IP6K1: variants seen among roughly 807,000 people sequenced by gnomAD.
IP6K1 encodes the protein ATP:1D-myo-inositol-hexakisphosphate phosphotransferase.
IP6K1 carries 13 observed loss-of-function variants against 38.3 expected under a neutral mutation model. The observed-to-expected ratio is 0.34, with a 90% confidence interval of 0.22 to 0.54. IP6K1 has a LOEUF of 0.54. Ranked by LOEUF, IP6K1 falls within the 20% of genes least tolerant of loss-of-function variation. The probability of loss-of-function intolerance (pLI) is 0.92; values close to 1 mark genes in which losing one functional copy is unlikely to be tolerated. For synonymous variants in IP6K1, 212 were observed against 229.9 expected (o/e 0.92, Z 0.70); for missense variants, 397 against 599.8 (o/e 0.66, Z 3.53).
At chr3:49,775,901 T>C (rs1450067147) in intron 1 of IP6K1, among the ~76,000 whole-genome samples, 3 of 151,864 alleles carry the variant, frequency 2.0e-5, no homozygotes, top group South Asian at 2.1e-4. Flanking sequence ...CATATTGATA[T>C]GTTCTCCCTC....
intron 4 of IP6K1, among the ~76,000 whole-genome samples, chr3:49,730,763 C>A (rs1305582727): frequency 6.6e-6 from 1 of 152,024 alleles, no homozygotes; most frequent in Admixed American, 6.6e-5. Flanking sequence ...GTTGCCTAGG[C>A]TGGAGTGCAA....
rs191159866 is a variant in IP6K1 at position 49,769,477 on chromosome 3, G to C, written c.-129+16877C>G. On this transcript the variant is annotated intron_variant, in intron 1 of 5. Coordinates refer to ENST00000321599, the MANE Select transcript of IP6K1 (RefSeq NM_153273.4). ...TATCTACAGAGTCAATTGTTTTTGG[G>C]ATTTTTGCCAGCGACAAATCAGGAT... 5.9e-5 allele frequency among the ~76,000 whole-genome samples: 9 copies of C among 152,246 alleles called. No homozygotes were observed. In the East Asian group the frequency reaches 1.5e-3, roughly 26 times the overall value.
In IP6K1 at chr3:49,761,796, A is replaced by C. The variant is rs377513908; in HGVS notation, c.-128-13628T>G. On this transcript the variant is annotated intron_variant, in intron 1 of 5. Transcript: ENST00000321599. ...GAGAAAGACTCTGTCTCTACAGAAA[A>C]AATGAAAATTAGGCAGGCATGGTGG... 1.1e-4 allele frequency among the ~76,000 whole-genome samples: 17 copies of C among 152,056 alleles called. No individual in the cohort carries two copies. In the East Asian group the frequency reaches 2.3e-3, roughly 21 times the overall value.
rs1307166111 is a variant in IP6K1, at chr3:49,748,094, A to G, written c.-54T>C. On this transcript the variant is annotated 5_prime_UTR_variant, in exon 2 of 6. Coordinates refer to ENST00000321599, the MANE Select transcript of IP6K1 (RefSeq NM_153273.4). ...GCAGAGGATGCAGCACATGGGCCACAAAAGGAGAGCTACATAGAAGGTCCT... is the reference window on the plus strand; with the variant it reads ...GCAGAGGATGCAGCACATGGGCCACGAAAGGAGAGCTACATAGAAGGTCCT... 1.9e-6 allele frequency: 3 copies of G among 1,592,616 alleles called. No homozygotes were observed. The highest frequency in any genetic ancestry group is 2.2e-5 in the East Asian group (1 of 44,626).
chr3:49,770,042 C>G (rs752150987), intron 1 of IP6K1, among the ~76,000 whole-genome samples: 8 of 151,848 alleles, frequency 5.3e-5, no homozygotes, highest in Non-Finnish European at 7.4e-5. Context: ...CTCTACAAAA[C>G]ATAGAAAAAA....
intron 1 of IP6K1, among the ~76,000 whole-genome samples, chr3:49,768,696 G>A (rs772284386): frequency 1.3e-5 from 2 of 152,116 alleles, no homozygotes; most frequent in Non-Finnish European, 2.9e-5. Context: ...CTTAAACCTG[G>A]GAGGCGGAGG....
chr3:49,737,623 T>C (rs531628242), intron 3 of IP6K1, among the ~76,000 whole-genome samples: 3 of 152,168 alleles, frequency 2.0e-5, no homozygotes, highest in East Asian at 1.9e-4. Context: ...GAGGGAGAGG[T>C]TGCAGTGACG....
At chr3:49,733,240 T>A (rs1053284623) in intron 3 of IP6K1, among the ~76,000 whole-genome samples, 2 of 144,830 alleles carry the variant, frequency 1.4e-5, no homozygotes, top group African/African-American at 5.0e-5. Flanking sequence ...TTCACATCCA[T>A]TAGGATGGCT....
At chr3:49,731,700 A>G (rs891077777) in intron 4 of IP6K1, among the ~76,000 whole-genome samples, 7 of 152,014 alleles carry the variant, frequency 4.6e-5, no homozygotes, top group Non-Finnish European at 8.8e-5. Context: ...TTATTTGTCT[A>G]CTACTTCAAA....
chr3:49,757,322 G>C (rs1404965628), intron 1 of IP6K1, among the ~76,000 whole-genome samples: 1 of 152,224 alleles, frequency 6.6e-6, no homozygotes, highest in Non-Finnish European at 1.5e-5. Flanking sequence ...GTGGGGACAA[G>C]TTGACAGGAC....
chr3:49,732,859 C>T lies in IP6K1; in HGVS notation c.548G>A (p.Trp183Ter). 6.2e-7 allele frequency: 1 copy of T among 1,614,140 alleles called. No homozygotes were observed. Among genetic ancestry groups the T allele is most frequent in the Non-Finnish European group, 8.5e-7 (1 of 1,180,006 alleles). Residue 183 changes from tryptophan to a stop codon, truncating the protein, a stop_gained, in exon 4 of 6, where the codon TGG (tryptophan) becomes TAG (stop). Coordinates refer to ENST00000321599, the MANE Select transcript of IP6K1 (RefSeq NM_153273.4). LOFTEE classifies it high-confidence loss of function. The stretch of plus-strand genomic sequence containing the variant: ...CTGCTGCTTGTGACAACGCAGGCTC[C>T]AGGGGTTGTGGCTGATCTTCTCAGA... ...LSSEKISHNPWSLRCHKQQLS... is the reference protein window; with the variant it reads ...LSSEKISHNP
chr3:49,739,355 C>CTTTT (rs778966835), intron 2 of IP6K1, among the ~76,000 whole-genome samples: 2 of 135,608 alleles, frequency 1.5e-5, no homozygotes, highest in African/African-American at 2.7e-5. Flanking sequence ...GCTTAAAGTT[C>CTTTT]TTTTTTTTTT....
At chr3:49,785,766 A>G (rs2108269304) in intron 1 of IP6K1, 1 of 152,360 alleles carries the variant, frequency 6.6e-6, no homozygotes, top group South Asian at 2.1e-4. Flanking sequence ...CTCAGCCATT[A>G]TGGACATTTA....
intron 1 of IP6K1, among the ~76,000 whole-genome samples, chr3:49,757,138 T>C (rs768282353): frequency 3.9e-5 from 6 of 152,218 alleles, no homozygotes; most frequent in African/African-American, 7.2e-5. Context: ...CCTGGACTTA[T>C]TTCCTATCAC....
At chr3:49,734,100 T>C (rs2080585425) in intron 3 of IP6K1, among the ~76,000 whole-genome samples, 1 of 152,140 alleles carries the variant, frequency 6.6e-6, no homozygotes, top group East Asian at 1.9e-4. Flanking sequence ...ATCATGCCAC[T>C]ACACTCCAGC....
intron 1 of IP6K1, among the ~76,000 whole-genome samples, chr3:49,768,270 C>G (rs2080928614): frequency 6.6e-6 from 1 of 152,098 alleles, no homozygotes; most frequent in South Asian, 2.1e-4. Context: ...TCACAATAAC[C>G]AAATGGTGTC....
At chr3:49,766,048 C>A (rs573472422) in intron 1 of IP6K1, among the ~76,000 whole-genome samples, 1 of 151,680 alleles carries the variant, frequency 6.6e-6, no homozygotes, top group African/African-American at 2.4e-5. Flanking sequence ...TGGTGGCGGG[C>A]GCCTGTAGTC....
In IP6K1 at chr3:49,725,924, A is replaced by C. The variant is rs2080497039; in HGVS notation, c.*1198T>G. The C allele has an allele frequency of 6.6e-6, 1 of 152,274 alleles. No homozygotes were observed. Among genetic ancestry groups the C allele is most frequent in the Non-Finnish European group, 1.5e-5 (1 of 68,086 alleles). The allele number at this position is 152,274 out of a possible 1,614,324, so 9.4% of individuals were successfully genotyped here. On this transcript the variant is annotated 3_prime_UTR_variant, in exon 6 of 6. Coordinates refer to ENST00000321599, the MANE Select transcript of IP6K1 (RefSeq NM_153273.4). Reference sequence around the variant, plus strand: ...AGGGCATGGGGCAAAAGCTCACCTCAGAAGTGGAAGTGTTCTGCTGAGGAA... The same window carrying C: ...AGGGCATGGGGCAAAAGCTCACCTCCGAAGTGGAAGTGTTCTGCTGAGGAA...
chr3:49,786,209 G>A (rs1184250086), intron 1 of IP6K1, 145 bp downstream of exon 1: 1 of 152,264 alleles, frequency 6.6e-6, no homozygotes, highest in Non-Finnish European at 1.5e-5. Flanking sequence ...GGCTCGGCGG[G>A]CGGCCGGTCA....
Sources: gnomAD v4.1 joint callset for allele counts (sites outside exome capture counted in the v4.1 genomes callset) on GRCh38, gnomAD v4.1.1 for gene constraint, MANE v1.5 for transcripts, NCBI Gene and HGNC (gene_info 2026-07-23, HGNC 2026-07-21) for gene names.